CNTN5: variants seen among roughly 807,000 people sequenced by gnomAD.
The protein encoded by CNTN5 is contactin-5.
CNTN5 carries 77 observed loss-of-function variants against 129.1 expected under a neutral mutation model. That is an observed-to-expected ratio of 0.60 (90% confidence interval 0.50 to 0.72). CNTN5 has a LOEUF of 0.72. CNTN5 is among the 30% of genes least tolerant of loss of function. The pLI is 0.00. For missense variants in CNTN5, 1,478 were observed against 1,328.8 expected (o/e 1.11, Z -1.75); for synonymous variants, 509 against 465.6 (o/e 1.09, Z -1.20).
At chr11:99,205,904 G>A (rs1259739561) in intron 1 of CNTN5, among the ~76,000 whole-genome samples, 1 of 152,040 alleles carries the variant, frequency 6.6e-6, no homozygotes, top group Non-Finnish European at 1.5e-5. Context: ...AACATCTTTA[G>A]TCTACCATTT....
chr11:100,072,500 TC>T lies in CNTN5; in HGVS notation c.1429+669del, dbSNP rs147272573. Among the ~76,000 whole-genome samples the T allele has an allele frequency of 7.7e-3, 1,178 of 152,326 alleles. 13 individuals carry two copies. The highest frequency in any genetic ancestry group is 0.027 in the African/African-American group (1,116 of 41,578). On this transcript the variant is annotated intron_variant, in intron 12 of 24. Coordinates refer to ENST00000524871, the MANE Select transcript of CNTN5 (RefSeq NM_014361.4). ...GAGCCATTGGAATGAATTTTACTTT[TC>T]CCACTTTGATTTTTTCCTAAACTGG...
intron 18 of CNTN5, among the ~76,000 whole-genome samples, chr11:100,287,499 G>A (rs1231219303): frequency 4.0e-5 from 6 of 150,750 alleles, no homozygotes; most frequent in African/African-American, 1.5e-4. Flanking sequence ...TTCATATCCA[G>A]CCAAACTAAG....
intron 2 of CNTN5, among the ~76,000 whole-genome samples, chr11:99,539,802 A>G (rs1948035575): frequency 1.3e-5 from 2 of 152,146 alleles, no homozygotes; most frequent in African/African-American, 2.4e-5. Context: ...GTAGGAAATG[A>G]GTTCAACATA....
intron 3 of CNTN5, among the ~76,000 whole-genome samples, chr11:99,595,355 T>C (rs1317655599): frequency 1.3e-4 from 1 of 7,998 alleles, no homozygotes; most frequent in Non-Finnish European, 6.4e-3. Context: ...CAATTATATA[T>C]TAAAAAATAA....
chr11:99,213,366 GTATATAT>G (rs1859923841), intron 1 of CNTN5, among the ~76,000 whole-genome samples: 1 of 134,122 alleles, frequency 7.5e-6, no homozygotes, highest in Non-Finnish European at 1.6e-5. Flanking sequence ...GTGTATATAT[GTATATAT>G]GTATATACAT....
chr11:100,071,806 T>G lies in CNTN5; in HGVS notation c.1401T>G (p.Ile467Met). Reference sequence around the variant, plus strand: ...TGGCTGAAAATAAGTATGGAGCCATTTACGCTAGTGCTGAGCTGAAGATTC... The same window carrying G: ...TGGCTGAAAATAAGTATGGAGCCATGTACGCTAGTGCTGAGCTGAAGATTC... ...QCLAENKYGA[I>M]YASAELKILA... The change falls in exon 12 of 25, where the codon ATT becomes ATG. Residue 467 changes from isoleucine to methionine, a missense_variant. By Grantham distance (10) the Ile-to-Met change is conservative. Transcript: ENST00000524871. 1 of 1,607,904 alleles carries G rather than the reference T, an allele frequency of 6.2e-7. No individual in the cohort carries two copies. Among genetic ancestry groups the G allele is most frequent in the Non-Finnish European group, 8.5e-7 (1 of 1,177,478 alleles).
In CNTN5 at chr11:99,051,404, A is replaced by G. The variant is rs142070434; in HGVS notation, c.-210+30134A>G. Among the ~76,000 whole-genome samples, 378 of 152,024 alleles carry G rather than the reference A, an allele frequency of 2.5e-3. 1 individual carries two copies. The highest frequency in any genetic ancestry group is 8.6e-3 in the African/African-American group (359 of 41,542). Reference sequence around the variant, plus strand: ...TCATTATCTATAACGACTGCAGCCAATGGTGCTTATGTCTGAAAGTACAGC... The same window carrying G: ...TCATTATCTATAACGACTGCAGCCAGTGGTGCTTATGTCTGAAAGTACAGC... On this transcript the variant is annotated intron_variant, in intron 1 of 24. Coordinates refer to ENST00000524871, the MANE Select transcript of CNTN5 (RefSeq NM_014361.4).
intron 1 of CNTN5, among the ~76,000 whole-genome samples, chr11:99,130,022 C>A (rs1858850081): frequency 6.6e-6 from 1 of 152,134 alleles, no homozygotes; most frequent in South Asian, 2.1e-4. Flanking sequence ...CTGAAGTACA[C>A]AGACCAACAA....
chr11:99,367,074 A>G (rs559520300), intron 2 of CNTN5, among the ~76,000 whole-genome samples: 1 of 152,310 alleles, frequency 6.6e-6, no homozygotes, highest in South Asian at 2.1e-4. Flanking sequence ...TAAAGGTTTA[A>G]AATGATCTGA....
At chr11:99,029,681 A>T (rs1053169785) in intron 1 of CNTN5, among the ~76,000 whole-genome samples, 53 of 152,244 alleles carry the variant, frequency 3.5e-4, no homozygotes, top group African/African-American at 1.2e-3. Context: ...AGAGGTTAAA[A>T]ATTATAAAAT....
In CNTN5 at chr11:100,271,033, G is replaced by A. The variant is rs1467516134; in HGVS notation, c.2165-59G>A. ...GTCAGTAGCATTAATATTCTTGATTGCCATTTGTAGCATTTTTCTAGTCCT... is the reference window on the plus strand; with the variant it reads ...GTCAGTAGCATTAATATTCTTGATTACCATTTGTAGCATTTTTCTAGTCCT... On this transcript the variant is annotated intron_variant, in intron 17 of 24. Transcript: ENST00000524871. 24 of 1,347,034 alleles carry A rather than the reference G, an allele frequency of 1.8e-5. No individual in the cohort carries two copies. In the East Asian group the frequency reaches 5.7e-4, roughly 32 times the overall value. 83.4% of individuals were successfully genotyped at this position (1,347,034 alleles called of 1,614,324 possible). A position where few individuals can be genotyped will look rare whatever the true frequency, so the allele number is the denominator to read the frequency against.
Position 99,717,021 on chromosome 11 carries a change from T to G in CNTN5, c.56-102523T>G, listed in dbSNP as rs1049326057. Among the ~76,000 whole-genome samples the G allele has an allele frequency of 5.3e-5, 8 of 152,228 alleles. No homozygotes were observed. In the South Asian group the frequency reaches 1.7e-3, roughly 32 times the overall value. ...TTTTATTTAGTAGCGTTGGTGAAATTACAATTGGGCATTCAGTATTCCAAT... is the reference window on the plus strand; with the variant it reads ...TTTTATTTAGTAGCGTTGGTGAAATGACAATTGGGCATTCAGTATTCCAAT... On this transcript the variant is annotated intron_variant, in intron 3 of 24. Transcript: ENST00000524871.
chr11:99,090,630 A>T (rs1866200758), intron 1 of CNTN5, among the ~76,000 whole-genome samples: 1 of 151,978 alleles, frequency 6.6e-6, no homozygotes, highest in Non-Finnish European at 1.5e-5. Context: ...GGGAAAAGAA[A>T]AAGTTATAGC....
At chr11:99,782,181 C>A (rs979862665) in intron 3 of CNTN5, among the ~76,000 whole-genome samples, 5 of 148,638 alleles carry the variant, frequency 3.4e-5, no homozygotes, top group East Asian at 4.0e-4. Context: ...TATACACCAA[C>A]AACAGACAAA....
chr11:99,957,858 C>CGT lies in CNTN5; in HGVS notation c.877+866_877+867dup, dbSNP rs754110469. ...TAGTTTATATAGACTTTGTTGTTTG[C>CGT]GTGTGTGTGTGTGTGTGTATATATG... On this transcript the variant is annotated intron_variant, in intron 8 of 24. Transcript: ENST00000524871. Among the ~76,000 whole-genome samples the CGT allele has an allele frequency of 5.3e-3, 791 of 148,572 alleles. 7 individuals carry two copies. The highest frequency in any genetic ancestry group is 0.018 in the Middle Eastern group (5 of 284).
chr11:99,767,420 A>G (rs551699756), intron 3 of CNTN5, among the ~76,000 whole-genome samples: 2 of 152,204 alleles, frequency 1.3e-5, no homozygotes, highest in East Asian at 3.9e-4. Context: ...TGGTGTCAAC[A>G]CAGCATATAT....
At chr11:99,964,738 C>A (rs1188291476) in intron 8 of CNTN5, among the ~76,000 whole-genome samples, 2 of 152,156 alleles carry the variant, frequency 1.3e-5, no homozygotes, top group Non-Finnish European at 2.9e-5. Flanking sequence ...GGCATGGTAC[C>A]AGCTCCTTCT....
intron 2 of CNTN5, among the ~76,000 whole-genome samples, chr11:99,410,374 A>G (rs1255568974): frequency 1.3e-5 from 2 of 152,216 alleles, no homozygotes; most frequent in East Asian, 3.8e-4. Flanking sequence ...AACTTACAGG[A>G]GAAAAATGCA....
intron 1 of CNTN5, among the ~76,000 whole-genome samples, chr11:99,098,041 A>T (rs893590137): frequency 6.6e-6 from 1 of 152,058 alleles, no homozygotes; most frequent in Admixed American, 6.6e-5. Flanking sequence ...TTCTGTTAGA[A>T]AATGTGGAAT....
Sources: gnomAD v4.1 joint callset for allele counts (sites outside exome capture counted in the v4.1 genomes callset) on GRCh38, gnomAD v4.1.1 for gene constraint, MANE v1.5 for transcripts, NCBI Gene and HGNC (gene_info 2026-07-23, HGNC 2026-07-21) for gene names.